Variants in SORCS1 observed in about 807,000 individuals in gnomAD.
The protein encoded by SORCS1 is sortilin related VPS10 domain containing receptor 1.
SORCS1 carries 60 observed loss-of-function variants against 146.1 expected under a neutral mutation model. The observed-to-expected ratio is 0.41, with a 90% CI of 0.33 to 0.51. The LOEUF (loss-of-function observed/expected upper bound fraction) is 0.51. SORCS1 is among the 20% of genes least tolerant of loss of function. The probability of loss-of-function intolerance (pLI) is 0.21; values close to 1 mark genes in which losing one functional copy is unlikely to be tolerated. For synonymous variants in SORCS1, 637 were observed against 584.0 expected (o/e 1.09, Z -1.31); for missense variants, 1,352 against 1,487.6 (o/e 0.91, Z 1.50).
rs1344451408 is a variant in SORCS1, at chr10:106,878,650, T to TATATA, written c.627-48978_627-48977insTATAT. Among the ~76,000 whole-genome samples the TATATA allele has an allele frequency of 6.3e-3, 423 of 66,782 alleles. 10 individuals are homozygous for TATATA. Among genetic ancestry groups the TATATA allele is most frequent in the African/African-American group, 0.023 (405 of 17,820 alleles). The allele number at this position is 66,782 out of a possible 152,430, so 43.8% of individuals were successfully genotyped here. A position where few individuals can be genotyped will look rare whatever the true frequency, so the allele number is the denominator to read the frequency against. ...TATATATATATATATATATATATAT[T>TATATA]TTATAGCAGCCTGAATGGACTAAGA... On this transcript the variant is annotated intron_variant, in intron 2 of 25. Coordinates refer to ENST00000263054, the MANE Select transcript of SORCS1 (RefSeq NM_052918.5).
chr10:106,981,428 C>T (rs1459247416), intron 1 of SORCS1, among the ~76,000 whole-genome samples: 1 of 152,042 alleles, frequency 6.6e-6, no homozygotes, highest in African/African-American at 2.4e-5. Context: ...GCTATGGATG[C>T]GACATACACC....
intron 5 of SORCS1, among the ~76,000 whole-genome samples, chr10:106,747,136 C>T (rs191381675): frequency 4.1e-4 from 63 of 152,306 alleles, no homozygotes; most frequent in African/African-American, 1.3e-3. Context: ...ATCTCATAAA[C>T]GCAGGTTCTG....
At chr10:107,086,694 T>C (rs1963789065) in intron 1 of SORCS1, among the ~76,000 whole-genome samples, 1 of 152,208 alleles carries the variant, frequency 6.6e-6, no homozygotes, top group Non-Finnish European at 1.5e-5. Flanking sequence ...GGTTTGGGAA[T>C]ACAGCACTCT....
chr10:106,760,090 T>C (rs1297176326), intron 5 of SORCS1, among the ~76,000 whole-genome samples: 2 of 151,810 alleles, frequency 1.3e-5, no homozygotes, highest in East Asian at 1.9e-4. Context: ...CTTTAAGAAG[T>C]GATTAGGTTT....
chr10:107,158,855 T>C (rs1415522314), intron 1 of SORCS1, among the ~76,000 whole-genome samples: 1 of 152,182 alleles, frequency 6.6e-6, no homozygotes, highest in African/African-American at 2.4e-5. Flanking sequence ...GATTCATGTA[T>C]CTGCTTTTTT....
Position 106,864,096 on chromosome 10 carries a change from T to A in SORCS1, c.627-34423A>T, listed in dbSNP as rs547788657. 2.4e-4 allele frequency among the ~76,000 whole-genome samples: 37 copies of A among 152,284 alleles called. No individual in the cohort carries two copies. In the Middle Eastern group the frequency reaches 0.024, roughly 98 times the overall value. Reference sequence around the variant, plus strand: ...GTTAATTCAATTATTAGAAACTTAGTATAGAAAAAAATCTAAAGTTGGCTC... The same window carrying A: ...GTTAATTCAATTATTAGAAACTTAGAATAGAAAAAAATCTAAAGTTGGCTC... On this transcript the variant is annotated intron_variant, in intron 2 of 25. Transcript: ENST00000263054.
At chr10:106,849,995 C>T (rs907971127) in intron 2 of SORCS1, among the ~76,000 whole-genome samples, 4 of 149,746 alleles carry the variant, frequency 2.7e-5, no homozygotes, top group African/African-American at 1.0e-4. Flanking sequence ...TCAAAGCTGT[C>T]AGACAGAGAC....
intron 10 of SORCS1, among the ~76,000 whole-genome samples, chr10:106,682,748 C>T (rs1211891094): frequency 1.3e-5 from 2 of 152,168 alleles, no homozygotes; most frequent in Non-Finnish European, 2.9e-5. Flanking sequence ...TGAGTACCTA[C>T]ATATGCTAAT....
chr10:106,953,941 T>C (rs556196378), intron 2 of SORCS1, among the ~76,000 whole-genome samples: 3 of 152,332 alleles, frequency 2.0e-5, no homozygotes, highest in African/African-American at 7.2e-5. Context: ...CTTTCCCAGA[T>C]TTCACCCAAG....
intron 6 of SORCS1, among the ~76,000 whole-genome samples, chr10:106,726,416 C>G (rs1589747599): frequency 9.2e-6 from 1 of 109,150 alleles, no homozygotes; most frequent in Non-Finnish European, 1.8e-5. Context: ...AGAACTGATA[C>G]ATTTCATGCT....
chr10:107,176,248 C>T, the SORCS1 span, among the ~76,000 whole-genome samples: 2 of 150,374 alleles, frequency 1.3e-5, no homozygotes, highest in African/African-American at 2.4e-5. Flanking sequence ...TGTTTTCCTT[C>T]CTTCCTTCCT....
intron 9 of SORCS1, among the ~76,000 whole-genome samples, chr10:106,696,715 T>C (rs556457052): frequency 1.2e-4 from 19 of 152,350 alleles, no homozygotes; most frequent in African/African-American, 4.3e-4. Context: ...ATTTCATACC[T>C]GTTACCGATG....
At chr10:107,005,971 T>C (rs1957426852) in intron 1 of SORCS1, among the ~76,000 whole-genome samples, 1 of 152,236 alleles carries the variant, frequency 6.6e-6, no homozygotes, top group South Asian at 2.1e-4. Flanking sequence ...TGGTAATTTG[T>C]TGAGGACTGA....
intron 1 of SORCS1, among the ~76,000 whole-genome samples, chr10:107,073,598 T>C (rs1388153776): frequency 6.6e-6 from 1 of 152,226 alleles, no homozygotes; most frequent in Non-Finnish European, 1.5e-5. Flanking sequence ...ATAAGGCAGA[T>C]AAGTCTTAGT....
rs147673429 is a variant in SORCS1, at chr10:107,080,110, T to C, written c.558+83859A>G. Among the ~76,000 whole-genome samples, 417 of 152,304 alleles carry C rather than the reference T, an allele frequency of 2.7e-3. 1 individual carries two copies. Among genetic ancestry groups the C allele is most frequent in the African/African-American group, 8.5e-3 (353 of 41,564 alleles). The stretch of plus-strand genomic sequence containing the variant: ...CAATAAAATTGCTGCAATAAACATT[T>C]GGGTTCTTTTCCATTTTTAGGACCA... On this transcript the variant is annotated intron_variant, in intron 1 of 25. Transcript: ENST00000263054.
At chr10:106,647,566 T>C (rs146496026) in intron 18 of SORCS1, among the ~76,000 whole-genome samples, 1 of 152,288 alleles carries the variant, frequency 6.6e-6, no homozygotes, top group East Asian at 1.9e-4. Flanking sequence ...GAACCACAAA[T>C]AGTCAATTGA....
chr10:106,811,297 T>C (rs1947446479), intron 3 of SORCS1, among the ~76,000 whole-genome samples: 1 of 152,120 alleles, frequency 6.6e-6, no homozygotes, highest in African/African-American at 2.4e-5. Flanking sequence ...ACTTCAATAT[T>C]TATCCTTGCA....
At chr10:106,936,058 C>A (rs767326485) in intron 2 of SORCS1, among the ~76,000 whole-genome samples, 24 of 152,148 alleles carry the variant, frequency 1.6e-4, no homozygotes, top group Non-Finnish European at 3.4e-4. Context: ...TCCTGAAAAT[C>A]TGCAAAAGTG....
chr10:106,849,624 G>A (rs1383707351), intron 2 of SORCS1, among the ~76,000 whole-genome samples: 1 of 151,392 alleles, frequency 6.6e-6, no homozygotes, highest in Non-Finnish European at 1.5e-5. Context: ...TTCCGTTGCT[G>A]GTGAGGAACT....
Sources: gnomAD v4.1 joint callset for allele counts (sites outside exome capture counted in the v4.1 genomes callset) on GRCh38, gnomAD v4.1.1 for gene constraint, MANE v1.5 for transcripts, NCBI Gene and HGNC (gene_info 2026-07-23, HGNC 2026-07-21) for gene names.